GAS7: variants seen among roughly 807,000 people sequenced by gnomAD.
GAS7 encodes the protein growth arrest specific 7, also known as growth arrest-specific protein 7.
A neutral mutation model predicts 71.1 loss-of-function variants in GAS7; 28 were observed. That is an observed-to-expected ratio of 0.39 (90% CI 0.29 to 0.54). The LOEUF is 0.54. Ranked by LOEUF, GAS7 falls within the 20% of genes least tolerant of loss-of-function variation. GAS7 has a pLI of 0.62. For synonymous variants in GAS7, 258 were observed against 245.8 expected (o/e 1.05, Z -0.46); for missense variants, 436 against 627.8 (o/e 0.69, Z 3.27).
Position 9,915,448 on chromosome 17 carries a change from C to T in GAS7, c.*1780G>A, listed in dbSNP as rs944417919. The T allele has an allele frequency of 8.7e-6, 2 of 230,012 alleles. No homozygotes were observed. Among genetic ancestry groups the T allele is most frequent in the Admixed American group, 5.7e-5 (1 of 17,658 alleles). 14.2% of individuals were successfully genotyped at this position (230,012 alleles called of 1,614,324 possible). A position where few individuals can be genotyped will look rare whatever the true frequency, so the allele number is the denominator to read the frequency against. On this transcript the variant is annotated 3_prime_UTR_variant, in exon 14 of 14. Coordinates refer to ENST00000432992, the MANE Select transcript of GAS7 (RefSeq NM_201433.2). ...ATCTGGACAGAGTGGTTCTCCATCC[C>T]ATGGACAGATCCTACCAGGAGGTCT...
Position 10,006,369 on chromosome 17 carries a change from G to A in GAS7, c.304+13408C>T, listed in dbSNP as rs565766161. 1.7e-4 allele frequency among the ~76,000 whole-genome samples: 20 copies of A among 115,536 alleles called. 1 individual carries two copies. In the South Asian group the frequency reaches 3.8e-3, roughly 22 times the overall value. The allele number at this position is 115,536 out of a possible 152,430, so 75.8% of individuals were successfully genotyped here. On this transcript the variant is annotated intron_variant, in intron 2 of 13. Transcript: ENST00000432992. ...TTTTGAGACAGAGTCTCACTCTGTT[G>A]CCCAGGCTGGAGTGCAGTGGCGCGA...
chr17:10,063,908 T>C (rs1432272686), intron 1 of GAS7, among the ~76,000 whole-genome samples: 2 of 152,098 alleles, frequency 1.3e-5, no homozygotes, highest in Non-Finnish European at 2.9e-5. Flanking sequence ...CACAGCAGTT[T>C]CTTTGTTGCC....
intron 1 of GAS7, among the ~76,000 whole-genome samples, chr17:10,105,118 CTATT>C (rs2142058501): frequency 6.6e-6 from 1 of 152,320 alleles, no homozygotes; most frequent in East Asian, 1.9e-4. Flanking sequence ...CCACATACGG[CTATT>C]TAAAGTTAAA....
chr17:10,165,399 CA>C (rs2074286879), intron 1 of GAS7, among the ~76,000 whole-genome samples: 1 of 151,996 alleles, frequency 6.6e-6, no homozygotes, highest in Admixed American at 6.6e-5. Context: ...AGGAGCCTAG[CA>C]CATGTGCTGC....
intron 2 of GAS7, among the ~76,000 whole-genome samples, chr17:9,995,635 A>G (rs543005467): frequency 2.4e-4 from 36 of 152,120 alleles, no homozygotes; most frequent in Non-Finnish European, 4.9e-4. Flanking sequence ...GGGGAAAATA[A>G]CCTCCTTTGT....
At chr17:10,035,489 G>C (rs868355476) in intron 1 of GAS7, among the ~76,000 whole-genome samples, 1 of 152,144 alleles carries the variant, frequency 6.6e-6, no homozygotes, top group Non-Finnish European at 1.5e-5. Context: ...GATGCTCCTG[G>C]ATAACAAGCA....
intron 1 of GAS7, among the ~76,000 whole-genome samples, chr17:10,071,117 A>G (rs112070202): frequency 0.016 from 2,451 of 151,716 alleles, 29 homozygotes; most frequent in Non-Finnish European, 0.024. Context: ...CCCACACAGA[A>G]GCCAGTTGGT....
intron 1 of GAS7, among the ~76,000 whole-genome samples, chr17:10,107,952 G>A (rs2073775438): frequency 6.6e-6 from 1 of 151,692 alleles, no homozygotes; most frequent in African/African-American, 2.4e-5. Flanking sequence ...ACAGTCCAGT[G>A]GGAGCTGGGC....
intron 2 of GAS7, among the ~76,000 whole-genome samples, chr17:9,982,862 A>AAAGAAAGAAAGAAAGAAAGC (rs1567853351): frequency 7.0e-6 from 1 of 143,594 alleles, no homozygotes; most frequent in South Asian, 2.3e-4. Flanking sequence ...AGAAAGAAAG[A>AAAGAAAGAAAGAAAGAAAGC]AAGAAAGCAA....
chr17:10,028,710 A>C (rs2072534882), intron 1 of GAS7, among the ~76,000 whole-genome samples: 1 of 152,202 alleles, frequency 6.6e-6, no homozygotes, highest in Non-Finnish European at 1.5e-5. Flanking sequence ...ATGATATAAA[A>C]AAGGAACAGG....
intron 1 of GAS7, among the ~76,000 whole-genome samples, chr17:10,083,039 G>A (rs2073475284): frequency 6.6e-6 from 1 of 152,218 alleles, no homozygotes; most frequent in South Asian, 2.1e-4. Flanking sequence ...TTTCTGGGAA[G>A]ATGTCTTACA....
chr17:10,170,898 A>G (rs1462647681), intron 1 of GAS7, among the ~76,000 whole-genome samples: 1 of 152,216 alleles, frequency 6.6e-6, no homozygotes, highest in African/African-American at 2.4e-5. Flanking sequence ...TCTGCCACAC[A>G]TAAATACCAT....
chr17:9,923,867 A>T (rs1459299208), intron 11 of GAS7, among the ~76,000 whole-genome samples: 2 of 152,252 alleles, frequency 1.3e-5, no homozygotes, highest in African/African-American at 4.8e-5. Flanking sequence ...ACAATCTAAG[A>T]GTCCTAAACC....
chr17:10,161,514 C>A (rs894156363), intron 1 of GAS7, among the ~76,000 whole-genome samples: 2 of 152,180 alleles, frequency 1.3e-5, no homozygotes, highest in Non-Finnish European at 2.9e-5. Context: ...TCCTCTGACT[C>A]GAGCACTGTA....
intron 2 of GAS7, among the ~76,000 whole-genome samples, chr17:10,015,241 G>A (rs2071946745): frequency 6.6e-6 from 1 of 152,164 alleles, no homozygotes; most frequent in African/African-American, 2.4e-5. Context: ...GGTTATAGGT[G>A]TAAAAATGGG....
chr17:10,082,025 C>T lies in GAS7; in HGVS notation c.184-62128G>A, dbSNP rs2073461923. ...CCAATGGAGATAAAGGTGGCCCATGCACATGCTAGAACAGTACGCAGCAGT... is the reference window on the plus strand; with the variant it reads ...CCAATGGAGATAAAGGTGGCCCATGTACATGCTAGAACAGTACGCAGCAGT... On this transcript the variant is annotated intron_variant, in intron 1 of 13. Coordinates refer to ENST00000432992, the MANE Select transcript of GAS7 (RefSeq NM_201433.2). 2.6e-5 allele frequency among the ~76,000 whole-genome samples: 4 copies of T among 152,142 alleles called. No homozygotes were observed. In the South Asian group the frequency reaches 8.3e-4, roughly 32 times the overall value.
At chr17:10,089,648 T>C (rs1467790193) in intron 1 of GAS7, among the ~76,000 whole-genome samples, 1 of 152,080 alleles carries the variant, frequency 6.6e-6, no homozygotes, top group Non-Finnish European at 1.5e-5. Context: ...TACAACCTAG[T>C]TGTCAGTAAA....
intron 1 of GAS7, among the ~76,000 whole-genome samples, chr17:10,133,122 A>ATATATATATATATATATAT (rs1392845338): frequency 9.3e-5 from 11 of 118,886 alleles, no homozygotes; most frequent in African/African-American, 2.1e-4. Context: ...ATATTTTTAT[A>ATATATATATATATATATAT]TTTTTTTTTT....
chr17:10,009,858 T>C (rs1479157220), intron 2 of GAS7, among the ~76,000 whole-genome samples: 1 of 152,128 alleles, frequency 6.6e-6, no homozygotes. Context: ...TCAACTCTCC[T>C]GGACTTGGGT....
Sources: allele counts gnomAD v4.1 joint callset (sites outside exome capture counted in the v4.1 genomes callset), GRCh38; gene constraint gnomAD v4.1.1; transcripts MANE v1.5; gene names NCBI Gene and HGNC (gene_info 2026-07-23, HGNC 2026-07-21).